Variants in IRAK3 observed in about 807,000 individuals in gnomAD.
IRAK3 encodes interleukin-1 receptor-associated kinase 3.
IRAK3 carries 57 observed loss-of-function variants against 56.6 expected under a neutral mutation model. The ratio of observed to expected loss-of-function variants is 1.01; its 90% CI spans 0.81 to 1.26. The LOEUF (loss-of-function observed/expected upper bound fraction) is 1.26. Among genes scored for constraint, IRAK3 ranks in the 50% most tolerant of loss-of-function variants. The pLI is 0.00. For missense variants in IRAK3, 703 were observed against 719.0 expected, an observed-to-expected ratio of 0.98 and a Z score of 0.25; for synonymous variants, 258 against 255.7, an observed-to-expected ratio of 1.01 and a Z score of -0.09.
At chr12:66,207,295 A>C (rs890099836) in intron 2 of IRAK3, among the ~76,000 whole-genome samples, 1 of 151,980 alleles carries the variant, frequency 6.6e-6, no homozygotes, top group Non-Finnish European at 1.5e-5. Flanking sequence ...AAACGGTGAA[A>C]CCCTATCTCT....
intron 1 of IRAK3, among the ~76,000 whole-genome samples, chr12:66,203,202 GAGAA>G (rs1297358598): frequency 6.6e-6 from 1 of 152,132 alleles, no homozygotes; most frequent in Non-Finnish European, 1.5e-5. Context: ...TAATTATAAA[GAGAA>G]AGATAATTTT....
intron 1 of IRAK3, among the ~76,000 whole-genome samples, chr12:66,192,965 T>G (rs1360179981): frequency 6.6e-6 from 1 of 152,030 alleles, no homozygotes; most frequent in Non-Finnish European, 1.5e-5. Context: ...TTTTTTTCTT[T>G]TCTTTTCTTT....
chr12:66,197,225 C>T, intron 1 of IRAK3: 1 of 1,241,560 alleles, frequency 8.1e-7, no homozygotes, highest in Non-Finnish European at 1.0e-6. Flanking sequence ...TTTGTATTTT[C>T]AGTTTAGAAT....
intron 1 of IRAK3, chr12:66,197,539 G>A: frequency 1.0e-6 from 1 of 985,206 alleles, no homozygotes; most frequent in Non-Finnish European, 1.2e-6. Context: ...TATTAAGGTT[G>A]CAGTGTGAAT....
At chr12:66,214,460 G>A (rs919742497) in intron 5 of IRAK3, among the ~76,000 whole-genome samples, 1 of 152,098 alleles carries the variant, frequency 6.6e-6, no homozygotes, top group Non-Finnish European at 1.5e-5. Flanking sequence ...AGGATTGCTT[G>A]AACCCAGGAG....
At chr12:66,243,486 G>A (rs773023955) in intron 8 of IRAK3, among the ~76,000 whole-genome samples, 3 of 152,208 alleles carry the variant, frequency 2.0e-5, no homozygotes, top group African/African-American at 7.2e-5. Context: ...GCTCTGAAGA[G>A]CCCTAAGCAA....
At position 66,226,751 on chromosome 12, in the gene IRAK3, G is replaced by T. The variant is rs539900265; in HGVS notation, c.682G>T (p.Ala228Ser). The change falls in exon 7 of 12, where the codon GCT becomes TCT. Residue 228 changes from alanine (A) to serine (S), a missense_variant. Coordinates refer to ENST00000261233, the MANE Select transcript of IRAK3 (RefSeq NM_007199.3). ...TCATCACCCAAACATACTAGAGTTG[G>T]CTGCATATTTTACAGAGACTGAGAA... ...LFHHPNILEL[A>S]AYFTETEKFC... is the part of the protein sequence containing the mutation. 40 of 1,608,774 alleles carry T rather than the reference G, an allele frequency of 2.5e-5. No homozygotes were observed. Among genetic ancestry groups the T allele is most frequent in the Non-Finnish European group, 3.1e-5 (37 of 1,175,258 alleles).
At chr12:66,196,232 G>A (rs569773474) in intron 1 of IRAK3, among the ~76,000 whole-genome samples, 1 of 152,152 alleles carries the variant, frequency 6.6e-6, no homozygotes, top group East Asian at 1.9e-4. Flanking sequence ...CACAGAGCAG[G>A]CACTCAGTAA....
chr12:66,212,650 G>T (rs1044592990), intron 5 of IRAK3, among the ~76,000 whole-genome samples: 28 of 152,110 alleles, frequency 1.8e-4, no homozygotes, highest in African/African-American at 6.8e-4. Flanking sequence ...AGCGAGAATT[G>T]TACAAAAGAT....
chr12:66,197,204 G>A (rs1339199897), intron 1 of IRAK3: 1 of 1,252,238 alleles, frequency 8.0e-7, no homozygotes, highest in African/African-American at 1.6e-5. Context: ...CTAACAGCAT[G>A]TTTTTCTTAA....
At chr12:66,236,555 A>G (rs533742802) in intron 8 of IRAK3, among the ~76,000 whole-genome samples, 74 of 151,946 alleles carry the variant, frequency 4.9e-4, no homozygotes, top group African/African-American at 1.5e-3. Flanking sequence ...GCGATAGAAC[A>G]AGACTCCGTC....
chr12:66,226,898 T>C, intron 7 of IRAK3, 61 bp downstream of exon 7: 1 of 1,022,984 alleles, frequency 9.8e-7, no homozygotes, highest in Non-Finnish European at 1.5e-6. Flanking sequence ...GGAGAGCTGC[T>C]GAAACCGTCT....
intron 2 of IRAK3, among the ~76,000 whole-genome samples, chr12:66,204,194 GCT>G (rs11465946): frequency 1.3e-5 from 2 of 151,968 alleles, no homozygotes; most frequent in East Asian, 1.9e-4. Context: ...AATAGAATCA[GCT>G]CTCTGTCAAA....
chr12:66,219,015 G>A (rs189247496), intron 6 of IRAK3, among the ~76,000 whole-genome samples: 1 of 152,000 alleles, frequency 6.6e-6, no homozygotes, highest in East Asian at 1.9e-4. Flanking sequence ...TTCTTTTTAT[G>A]GCTGAATAAT....
Position 66,245,015 on chromosome 12 carries a change from G to A in IRAK3, c.1149+5G>A, listed in dbSNP as rs781763199. 2.5e-6 allele frequency: 4 copies of A among 1,613,820 alleles called. No individual in the cohort carries two copies. Among genetic ancestry groups the A allele is most frequent in the African/African-American group, 1.3e-5 (1 of 74,912 alleles). ...GATCCAAAACATATCCAGCTGGTAAGAATTGTTTTCATCCTGGCACCTATC... is the reference window on the plus strand; with the variant it reads ...GATCCAAAACATATCCAGCTGGTAAAAATTGTTTTCATCCTGGCACCTATC... On this transcript the variant is annotated splice_donor_5th_base_variant and intron_variant, in intron 10 of 11. Transcript: ENST00000261233.
chr12:66,201,834 A>G (rs528305258), intron 1 of IRAK3, among the ~76,000 whole-genome samples: 1 of 152,224 alleles, frequency 6.6e-6, no homozygotes, highest in East Asian at 1.9e-4. Context: ...ACAAAACACC[A>G]TTTCTCAAAC....
chr12:66,195,525 C>G (rs1019065495), intron 1 of IRAK3, among the ~76,000 whole-genome samples: 2 of 152,198 alleles, frequency 1.3e-5, no homozygotes, highest in African/African-American at 4.8e-5. Flanking sequence ...CTCTTGTTTG[C>G]TTGACTCCAA....
intron 1 of IRAK3, among the ~76,000 whole-genome samples, chr12:66,194,820 C>A (rs1398363124): frequency 9.3e-6 from 1 of 108,106 alleles, no homozygotes; most frequent in African/African-American, 4.2e-5. Context: ...CAGAGCGAGA[C>A]TCCTCTCAAA....
chr12:66,247,002 G>T (rs1275874961), intron 11 of IRAK3, among the ~76,000 whole-genome samples: 1 of 152,134 alleles, frequency 6.6e-6, no homozygotes, highest in Non-Finnish European at 1.5e-5. Flanking sequence ...AGGGGCCCTG[G>T]CTCACGACTG....
Sources: allele counts gnomAD v4.1 joint callset (sites outside exome capture counted in the v4.1 genomes callset), GRCh38; gene constraint gnomAD v4.1.1; transcripts MANE v1.5; gene names NCBI Gene and HGNC (gene_info 2026-07-23, HGNC 2026-07-21).